Variants in COG4 observed in about 807,000 individuals in gnomAD.
COG4 encodes conserved oligomeric Golgi complex subunit 4.
COG4 carries 65 observed loss-of-function variants against 95.1 expected under a neutral mutation model. The observed-to-expected ratio is 0.68, with a 90% CI of 0.56 to 0.84. COG4 has a LOEUF of 0.84. COG4 is among the 40% of genes least tolerant of loss of function. COG4 has a pLI of 0.00. For missense variants in COG4, 1,045 were observed against 989.1 expected, an observed-to-expected ratio of 1.06 and a Z score of -0.76; for synonymous variants, 421 against 374.8, an observed-to-expected ratio of 1.12 and a Z score of -1.42.
In COG4 at chr16:70,497,982, T is replaced by C. The variant is rs886052259; in HGVS notation, c.1269A>G (p.Leu423=). The change falls in exon 10 of 19, where the codon TTA becomes TTG. Residue 423 remains leucine, a synonymous_variant. Coordinates refer to ENST00000323786, the MANE Select transcript of COG4 (RefSeq NM_015386.3). ...LSCTMQELIG[L]YVTMEEYFMR... Reference sequence around the variant, plus strand: ...TGAAGTACTCCTCCATGGTAACATATAAGCCAATTAGCTCCTGCATGGTAC... The same window carrying C: ...TGAAGTACTCCTCCATGGTAACATACAAGCCAATTAGCTCCTGCATGGTAC... The C allele has an allele frequency of 1.2e-6, 2 of 1,613,236 alleles. No individual in the cohort carries two copies.
intron 13 of COG4, among the ~76,000 whole-genome samples, chr16:70,484,868 G>T (rs1312960519): frequency 6.6e-6 from 1 of 152,116 alleles, no homozygotes; most frequent in Non-Finnish European, 1.5e-5. Context: ...CTGCACTCCA[G>T]CCCGGGCAGC....
intron 1 of COG4, among the ~76,000 whole-genome samples, chr16:70,522,802 C>G (rs899473407): frequency 6.6e-6 from 1 of 152,144 alleles, no homozygotes; most frequent in Non-Finnish European, 1.5e-5. Flanking sequence ...GATAAAATAT[C>G]AAGGGTACCA....
chr16:70,490,808 C>T (rs989922970), intron 12 of COG4, among the ~76,000 whole-genome samples: 8 of 152,064 alleles, frequency 5.3e-5, no homozygotes, highest in African/African-American at 1.7e-4. Flanking sequence ...AACAGGCGCC[C>T]GCCACTACGC....
At chr16:70,495,644 G>C (rs2049325994) in intron 12 of COG4, among the ~76,000 whole-genome samples, 4 of 152,164 alleles carry the variant, frequency 2.6e-5, no homozygotes, top group Admixed American at 2.0e-4. Flanking sequence ...GCCTGATCTT[G>C]AGCTTAGGAT....
chr16:70,517,138 A>G (rs1398422891), intron 3 of COG4, among the ~76,000 whole-genome samples: 1 of 151,928 alleles, frequency 6.6e-6, no homozygotes, highest in African/African-American at 2.4e-5. Context: ...GGCTCAAGCA[A>G]TCCTCCTGTT....
At chr16:70,506,627 A>AAAAAAAG (rs1405431900) in intron 8 of COG4, among the ~76,000 whole-genome samples, 1 of 137,248 alleles carries the variant, frequency 7.3e-6, no homozygotes, top group Non-Finnish European at 1.5e-5. Context: ...ACAAAAAAAA[A>AAAAAAAG]AACATTTAGC....
chr16:70,508,491 A>T (rs762474041), intron 7 of COG4, 27 bp from the exon 8 acceptor site: 1 of 1,602,756 alleles, frequency 6.2e-7, no homozygotes, highest in Non-Finnish European at 8.5e-7. Flanking sequence ...GAATGAGAAT[A>T]TTCTTCCCCA....
intron 13 of COG4, among the ~76,000 whole-genome samples, chr16:70,486,149 C>A (rs1177510229): frequency 2.0e-5 from 3 of 152,200 alleles, no homozygotes; most frequent in Non-Finnish European, 4.4e-5. Flanking sequence ...CCCGCCTTGG[C>A]CTCCCAAAGT....
intron 15 of COG4, 172 bp from the exon 16 acceptor site, chr16:70,482,347 G>A: frequency 1.4e-6 from 1 of 690,776 alleles, no homozygotes; most frequent in Non-Finnish European, 2.6e-6. Flanking sequence ...AAACTGACCA[G>A]CAAACAGCCC....
intron 3 of COG4, chr16:70,516,136 A>G (rs2049818052): frequency 5.0e-5 from 22 of 440,696 alleles, no homozygotes; most frequent in Middle Eastern, 3.3e-4. Context: ...AATATGGTGT[A>G]TTATTAGGAT....
intron 12 of COG4, 21 bp downstream of exon 12, chr16:70,496,245 C>T (rs529186566): frequency 1.6e-5 from 26 of 1,613,906 alleles, no homozygotes; most frequent in Non-Finnish European, 1.9e-5. Flanking sequence ...CAACCCAGCT[C>T]GTGAGCTGTG....
chr16:70,480,669 G>A lies in COG4; in HGVS notation c.*341C>T, dbSNP rs1227182022. 1 of 352,040 alleles carries A rather than the reference G, an allele frequency of 2.8e-6. No homozygotes were observed. The highest frequency in any genetic ancestry group is 5.4e-6 in the Non-Finnish European group (1 of 186,292). 21.8% of individuals were successfully genotyped at this position (352,040 alleles called of 1,614,324 possible). A position where few individuals can be genotyped will look rare whatever the true frequency, so the allele number is the denominator to read the frequency against. On this transcript the variant is annotated 3_prime_UTR_variant, in exon 19 of 19. Transcript: ENST00000323786. ...TCCCCAGATGTACCCAAGTTGTCTA[G>A]GACTGGCAGGGGTAGCTTGTTTGCT...
intron 12 of COG4, 70 bp from the exon 13 acceptor site, chr16:70,490,462 G>T: frequency 1.6e-6 from 2 of 1,271,692 alleles, no homozygotes; most frequent in South Asian, 2.4e-5. Flanking sequence ...ATGCCAGACT[G>T]GCTGACAGCT....
chr16:70,517,729 T>G lies in COG4; in HGVS notation c.266A>C (p.Gln89Pro), dbSNP rs552930113. The G allele has an allele frequency of 9.4e-5, 152 of 1,609,668 alleles. 3 individuals are homozygous for G. In the South Asian group the frequency reaches 1.5e-3, roughly 16 times the overall value. Residue 89 changes from glutamine (Q) to proline (P), a missense_variant, in exon 3 of 19, where the codon CAG (glutamine) becomes CCG (proline). Gln to Pro is a moderately conservative substitution (Grantham distance 76, BLOSUM62 -1). Transcript: ENST00000323786. ...CTGCTTTGCATCTCCCTCAATCAGCTGCAGATTAGGACTGGAGAAATACAT... is the reference window on the plus strand; with the variant it reads ...CTGCTTTGCATCTCCCTCAATCAGCGGCAGATTAGGACTGGAGAAATACAT... ...VTLHRMGPNL[Q>P]LIEGDAKQLA...
chr16:70,484,810 G>A (rs1041706429), intron 13 of COG4, among the ~76,000 whole-genome samples: 1 of 152,098 alleles, frequency 6.6e-6, no homozygotes, highest in Non-Finnish European at 1.5e-5. Context: ...GAGGCGAGAG[G>A]ATCCCTTGAG....
chr16:70,503,758 C>G (rs8055504), intron 8 of COG4, among the ~76,000 whole-genome samples: 1 of 139,022 alleles, frequency 7.2e-6, no homozygotes, highest in East Asian at 1.9e-4. Context: ...CCACGCCCGG[C>G]TAATTTTTTG....
At chr16:70,507,427 T>C (rs2049602174) in intron 8 of COG4, among the ~76,000 whole-genome samples, 1 of 152,170 alleles carries the variant, frequency 6.6e-6, no homozygotes, top group East Asian at 1.9e-4. Context: ...GTCTATGGTA[T>C]TCAGTATAGT....
chr16:70,506,935 G>A (rs1001581243), intron 8 of COG4, among the ~76,000 whole-genome samples: 1 of 152,152 alleles, frequency 6.6e-6, no homozygotes, highest in African/African-American at 2.4e-5. Context: ...TGCTGGGCTG[G>A]GCATGGTGGC....
At chr16:70,490,014 C>T (rs950992360) in intron 13 of COG4, among the ~76,000 whole-genome samples, 6 of 152,042 alleles carry the variant, frequency 3.9e-5, no homozygotes, top group South Asian at 2.1e-4. Context: ...GATGGGGTTT[C>T]GCCATGTTGG....
Sources: gnomAD v4.1 joint callset for allele counts (sites outside exome capture counted in the v4.1 genomes callset) on GRCh38, gnomAD v4.1.1 for gene constraint, MANE v1.5 for transcripts, NCBI Gene and HGNC (gene_info 2026-07-23, HGNC 2026-07-21) for gene names.